The following HTR2C variants were observed in gnomAD, a reference collection of about 807,000 sequenced individuals.
The protein encoded by HTR2C is 5-hydroxytryptamine receptor 2C.
Under a neutral mutation model 21.0 loss-of-function variants are expected in HTR2C, and 5 were observed. That is an observed-to-expected ratio of 0.24 (90% CI 0.12 to 0.50). HTR2C has a LOEUF of 0.50. HTR2C is among the 20% of genes least tolerant of loss of function. The pLI, the probability that HTR2C is intolerant of heterozygous loss-of-function variation, is 0.98. For synonymous variants in HTR2C, 150 were observed against 145.3 expected, an observed-to-expected ratio of 1.03 and a Z score of -0.23; for missense variants, 271 against 371.2, an observed-to-expected ratio of 0.73 and a Z score of 2.22.
At chrX:114,666,193 G>A (rs1437835784) in intron 2 of HTR2C, among the ~76,000 whole-genome samples, 1 of 111,706 alleles carries the variant, frequency 9.0e-6, no homozygotes, top group Non-Finnish European at 1.9e-5. Context: ...CTGCTAAAAA[G>A]ATTGCAAACA....
intron 4 of HTR2C, among the ~76,000 whole-genome samples, chrX:114,762,343 T>G (rs1262190012): frequency 9.0e-6 from 1 of 110,975 alleles, no homozygotes; most frequent in Non-Finnish European, 1.9e-5. Context: ...TTTTCAAGGA[T>G]TCCATCAAAA....
At chrX:114,765,008 C>A (rs917526150) in intron 4 of HTR2C, among the ~76,000 whole-genome samples, 1 of 105,225 alleles carries the variant, frequency 9.5e-6, no homozygotes, top group Non-Finnish European at 1.9e-5. Context: ...GTCCTTCTCT[C>A]TCTCTTTCTT....
At chrX:114,867,622 A>G (rs1387076547) in intron 5 of HTR2C, among the ~76,000 whole-genome samples, 2 of 111,527 alleles carry the variant, frequency 1.8e-5, no homozygotes, top group Non-Finnish European at 3.8e-5. Flanking sequence ...TTTTCTTGCA[A>G]TAGTTTCATA....
intron 5 of HTR2C, among the ~76,000 whole-genome samples, chrX:114,879,015 A>G (rs1168791536): frequency 5.4e-5 from 6 of 110,163 alleles, no homozygotes; most frequent in African/African-American, 1.6e-4. Context: ...TCATAGTACT[A>G]TTTAGGTTTA....
intron 4 of HTR2C, among the ~76,000 whole-genome samples, chrX:114,768,023 A>T (rs1488728436): frequency 9.0e-6 from 1 of 111,350 alleles, no homozygotes; most frequent in African/African-American, 3.2e-5. Flanking sequence ...GAAATTGCTC[A>T]ATAGAAAATT....
At chrX:114,807,462 TATATATATACC>T (rs2070485918) in intron 4 of HTR2C, among the ~76,000 whole-genome samples, 1 of 6,200 alleles carries the variant, frequency 1.6e-4, no homozygotes, top group African/African-American at 4.0e-4. Flanking sequence ...ATATACGCCA[TATATATATACC>T]ATATATATAC....
intron 4 of HTR2C, among the ~76,000 whole-genome samples, chrX:114,847,380 T>G (rs1556467867): frequency 1.2e-5 from 1 of 81,350 alleles, no homozygotes; most frequent in Non-Finnish European, 2.2e-5. Context: ...AGGTGGGAAT[T>G]GAACAATGAG....
intron 2 of HTR2C, among the ~76,000 whole-genome samples, chrX:114,661,505 C>T (rs948828219): frequency 7.3e-5 from 8 of 110,115 alleles, no homozygotes; most frequent in Non-Finnish European, 1.3e-4. Context: ...TATTTTTACT[C>T]CAGAATGTCA....
intron 5 of HTR2C, among the ~76,000 whole-genome samples, chrX:114,890,092 ATAAAT>A (rs1197435990): frequency 8.9e-6 from 1 of 111,956 alleles, no homozygotes; most frequent in African/African-American, 3.2e-5. Flanking sequence ...CTTGTTTTAA[ATAAAT>A]TTCTTAGTAT....
chrX:114,721,658 G>C (rs1288594356), intron 2 of HTR2C, among the ~76,000 whole-genome samples: 2 of 109,545 alleles, frequency 1.8e-5, no homozygotes, highest in African/African-American at 3.3e-5. Context: ...TAGGTCTAAT[G>C]TTTAAATCTT....
At chrX:114,724,411 C>G (rs1231336506) in intron 2 of HTR2C, among the ~76,000 whole-genome samples, 2 of 102,937 alleles carry the variant, frequency 1.9e-5, no homozygotes, top group African/African-American at 7.0e-5. Flanking sequence ...ATGTGTGTCT[C>G]TGCACGTGAG....
intron 4 of HTR2C, among the ~76,000 whole-genome samples, chrX:114,741,501 C>T (rs1262368823): frequency 7.3e-5 from 3 of 40,889 alleles, no homozygotes; most frequent in Admixed American, 3.8e-4. Flanking sequence ...CCAGCTTGGG[C>T]GACAGAGCAA....
chrX:114,667,759 C>A (rs1386145168), intron 2 of HTR2C, among the ~76,000 whole-genome samples: 1 of 111,449 alleles, frequency 9.0e-6, no homozygotes, highest in Non-Finnish European at 1.9e-5. Flanking sequence ...GACCCTCTTC[C>A]AAACGTGTTT....
chrX:114,646,674 T>G (rs1217761349), intron 2 of HTR2C, among the ~76,000 whole-genome samples: 5 of 112,242 alleles, frequency 4.5e-5, no homozygotes, highest in African/African-American at 1.6e-4. Flanking sequence ...ACTTTTTAGT[T>G]TGATGCAATC....
At chrX:114,788,789 C>T (rs1002995051) in intron 4 of HTR2C, among the ~76,000 whole-genome samples, 2 of 110,085 alleles carry the variant, frequency 1.8e-5, no homozygotes, top group Non-Finnish European at 3.8e-5. Flanking sequence ...GCTGGGACTA[C>T]AGGCATATGC....
intron 4 of HTR2C, among the ~76,000 whole-genome samples, chrX:114,765,940 AG>A (rs2069943657): frequency 9.0e-6 from 1 of 111,661 alleles, no homozygotes; most frequent in African/African-American, 3.2e-5. Flanking sequence ...GAGAAATGGG[AG>A]GGGTCATGAT....
At chrX:114,755,694 G>A (rs138581531) in intron 4 of HTR2C, among the ~76,000 whole-genome samples, 4,538 of 108,026 alleles carry the variant, frequency 0.042, 85 homozygotes, top group Non-Finnish European at 0.064. Context: ...ACTACAACTG[G>A]TATATAGAAC....
chrX:114,706,136 G>A (rs1488015457), intron 2 of HTR2C, among the ~76,000 whole-genome samples: 25 of 37,536 alleles, frequency 6.7e-4, no homozygotes, highest in Admixed American at 8.0e-4. Context: ...CAACCATTGT[G>A]GAAGTCAGTG....
Position 114,762,015 on chromosome X carries a change from A to G in HTR2C, c.349+30408A>G, listed in dbSNP as rs190439930. 2.1e-4 allele frequency among the ~76,000 whole-genome samples: 16 copies of G among 74,668 alleles called. 4 individuals carry two copies. Among genetic ancestry groups the G allele is most frequent in the Non-Finnish European group, 4.4e-4 (16 of 36,240 alleles). The allele number at this position is 74,668 out of a possible 115,157, so 64.8% of individuals were successfully genotyped here. A position where few individuals can be genotyped will look rare whatever the true frequency, so the allele number is the denominator to read the frequency against. On this transcript the variant is annotated intron_variant, in intron 4 of 5. Coordinates refer to ENST00000276198, the MANE Select transcript of HTR2C (RefSeq NM_000868.4). ...CTATATATACACATATATATAGTAT[A>G]TATACTATTTGTACACATATATGTG...
Sources: gnomAD v4.1 joint callset for allele counts (sites outside exome capture counted in the v4.1 genomes callset) on GRCh38, gnomAD v4.1.1 for gene constraint, MANE v1.5 for transcripts, NCBI Gene and HGNC (gene_info 2026-07-23, HGNC 2026-07-21) for gene names.